DISC1: variants seen among roughly 807,000 people sequenced by gnomAD.
DISC1 encodes the protein disrupted in schizophrenia 1 protein.
DISC1 carries 57 observed loss-of-function variants against 84.5 expected under a neutral mutation model. The observed-to-expected ratio is 0.67, with a 90% CI of 0.55 to 0.84. DISC1 has a LOEUF of 0.84. DISC1 is among the 40% of genes least tolerant of loss of function. The pLI, the probability that DISC1 is intolerant of heterozygous loss-of-function variation, is 0.00. For missense variants in DISC1, 1,000 were observed against 1,057.8 expected, an observed-to-expected ratio of 0.95 and a Z score of 0.76; for synonymous variants, 411 against 415.2, an observed-to-expected ratio of 0.99 and a Z score of 0.12.
intron 6 of DISC1, among the ~76,000 whole-genome samples, chr1:231,788,884 A>C (rs2078096058): frequency 6.7e-6 from 1 of 149,426 alleles, no homozygotes; most frequent in African/African-American, 2.5e-5. Flanking sequence ...GGATGCTTCC[A>C]CCCCACCCCA....
chr1:231,940,409 T>TGTTGATTTGCAGGCGCA lies in DISC1; in HGVS notation c.1982-18418_1982-18402dup, dbSNP rs529243168. On this transcript the variant is annotated intron_variant, in intron 9 of 12. Transcript: ENST00000439617. ...CCAAGGGGGACACTTGTTCTGCCAG[T>TGTTGATTTGCAGGCGCA]GTTGATTTGCAGGCGCAATTATATG... 5.4e-3 allele frequency among the ~76,000 whole-genome samples: 824 copies of TGTTGATTTGCAGGCGCA among 152,326 alleles called. 3 individuals carry two copies. The highest frequency in any genetic ancestry group is 0.01 in the Middle Eastern group (3 of 294).
At chr1:232,018,148 T>C (rs1440355968) in intron 11 of DISC1, among the ~76,000 whole-genome samples, 5 of 152,264 alleles carry the variant, frequency 3.3e-5, no homozygotes, top group Non-Finnish European at 7.3e-5. Context: ...AGGTATTTTC[T>C]ATTCAGAATA....
At chr1:231,706,417 G>A (rs1439175901) in intron 3 of DISC1, among the ~76,000 whole-genome samples, 1 of 152,142 alleles carries the variant, frequency 6.6e-6, no homozygotes, top group Non-Finnish European at 1.5e-5. Context: ...TGTTCTAGTT[G>A]TTCCTGCACC....
At chr1:231,804,516 G>C (rs1417076888) in intron 8 of DISC1, among the ~76,000 whole-genome samples, 1 of 151,340 alleles carries the variant, frequency 6.6e-6, no homozygotes, top group Non-Finnish European at 1.5e-5. Context: ...GGAGTGCAGA[G>C]GTAAGATCAT....
At chr1:231,946,807 C>T (rs1467812508) in intron 9 of DISC1, among the ~76,000 whole-genome samples, 2 of 152,226 alleles carry the variant, frequency 1.3e-5, no homozygotes, top group East Asian at 3.9e-4. Context: ...TCCCATACAC[C>T]AATAACAGAC....
intron 3 of DISC1, among the ~76,000 whole-genome samples, chr1:231,738,918 A>G (rs528524431): frequency 6.6e-6 from 1 of 152,094 alleles, no homozygotes; most frequent in South Asian, 2.1e-4. Flanking sequence ...TCTGCCTTTG[A>G]ATACTTCTTA....
At chr1:231,761,127 TG>T (rs1231253875) in intron 4 of DISC1, among the ~76,000 whole-genome samples, 2 of 152,192 alleles carry the variant, frequency 1.3e-5, no homozygotes, top group African/African-American at 4.8e-5. Flanking sequence ...TTTCCCGTAC[TG>T]GGGTGGTGCC....
In DISC1 at chr1:231,694,209, G is replaced by C; in HGVS notation, c.451G>C (p.Asp151His). 6.2e-7 allele frequency: 1 copy of C among 1,614,204 alleles called. No individual in the cohort carries two copies. Among genetic ancestry groups the C allele is most frequent in the South Asian group, 1.1e-5 (1 of 91,088 alleles). ...AGWQQEFAAM[D>H]SSETLDASWE... ...GTGGCAGCAAGAGTTTGCAGCCATG[G>C]ATAGTTCTGAGACCCTGGACGCCAG... Residue 151 changes from aspartate (D) to histidine (H), a missense_variant, in exon 2 of 13, where the codon GAT (aspartate) becomes CAT (histidine). This residue lies in a region of DISC1 where 292 missense variants were observed against 280.2 expected (regional missense o/e 1.04). Coordinates refer to ENST00000439617, the MANE Select transcript of DISC1 (RefSeq NM_018662.3).
At chr1:231,684,340 A>T (rs1478616459) in intron 1 of DISC1, among the ~76,000 whole-genome samples, 1 of 152,044 alleles carries the variant, frequency 6.6e-6, no homozygotes, top group Non-Finnish European at 1.5e-5. Context: ...CGGTTATAAA[A>T]ACTGTATTTA....
At chr1:231,946,718 G>T (rs1022031872) in intron 9 of DISC1, among the ~76,000 whole-genome samples, 2 of 152,196 alleles carry the variant, frequency 1.3e-5, no homozygotes, top group African/African-American at 4.8e-5. Flanking sequence ...AAACTCCGTA[G>T]TCTGAGCCCA....
At chr1:231,703,743 G>A (rs1201032766) in intron 3 of DISC1, among the ~76,000 whole-genome samples, 1 of 152,194 alleles carries the variant, frequency 6.6e-6, no homozygotes, top group African/African-American at 2.4e-5. Context: ...CATCAGGGAA[G>A]CTCAAAGAAT....
chr1:231,863,601 A>ACC (rs2084839860), intron 9 of DISC1, among the ~76,000 whole-genome samples: 1 of 152,170 alleles, frequency 6.6e-6, no homozygotes, highest in Non-Finnish European at 1.5e-5. Context: ...GCTTTTAATA[A>ACC]CACAATATGG....
chr1:231,936,650 G>A (rs1321262425), intron 9 of DISC1, among the ~76,000 whole-genome samples: 2 of 152,124 alleles, frequency 1.3e-5, no homozygotes, highest in African/African-American at 2.4e-5. Context: ...TAAAGATCCC[G>A]GGAACTGTTG....
intron 6 of DISC1, among the ~76,000 whole-genome samples, chr1:231,786,782 G>A (rs530511065): frequency 3.3e-5 from 5 of 152,218 alleles, no homozygotes; most frequent in South Asian, 2.1e-4. Flanking sequence ...ACCCTTCAAG[G>A]TAGCCTGTGC....
intron 9 of DISC1, among the ~76,000 whole-genome samples, chr1:231,930,418 T>C (rs1256126205): frequency 6.6e-6 from 1 of 152,208 alleles, no homozygotes; most frequent in East Asian, 1.9e-4. Flanking sequence ...ATTAAACTTA[T>C]CTAATCTTTA....
intron 1 of DISC1, among the ~76,000 whole-genome samples, chr1:231,656,322 C>T (rs891242923): frequency 6.6e-6 from 1 of 152,152 alleles, no homozygotes; most frequent in African/African-American, 2.4e-5. Flanking sequence ...GTTTTCCCAG[C>T]ACCATTTATT....
At chr1:231,805,681 A>G (rs2079649913) in intron 8 of DISC1, among the ~76,000 whole-genome samples, 1 of 152,122 alleles carries the variant, frequency 6.6e-6, no homozygotes, top group African/African-American at 2.4e-5. Flanking sequence ...ACTGGTGCTA[A>G]ATCATTAATG....
chr1:231,678,952 A>C (rs1194452999), intron 1 of DISC1, among the ~76,000 whole-genome samples: 1 of 152,212 alleles, frequency 6.6e-6, no homozygotes, highest in Admixed American at 6.5e-5. Context: ...CTGGGATTAC[A>C]GGCATGAGCC....
chr1:231,912,090 T>G (rs1320907551), intron 9 of DISC1, among the ~76,000 whole-genome samples: 1 of 152,136 alleles, frequency 6.6e-6, no homozygotes, highest in Non-Finnish European at 1.5e-5. Context: ...TTTTTCAAGG[T>G]TTTTAGCTTC....
Sources: gnomAD v4.1 joint callset for allele counts (sites outside exome capture counted in the v4.1 genomes callset) on GRCh38, gnomAD v4.1.1 for gene constraint, gnomAD v4.1.1 regional missense constraint, MANE v1.5 for transcripts, NCBI Gene and HGNC (gene_info 2026-07-23, HGNC 2026-07-21) for gene names.